The following KIAA0319L variants were observed in gnomAD, a reference collection of about 807,000 sequenced individuals.
The protein encoded by KIAA0319L is dyslexia-associated protein KIAA0319-like protein.
Under a neutral mutation model 120.1 loss-of-function variants are expected in KIAA0319L, and 55 were observed. That is an observed-to-expected ratio of 0.46 (90% CI 0.37 to 0.57). KIAA0319L has a LOEUF of 0.57. Ranked by LOEUF, KIAA0319L falls within the 20% of genes least tolerant of loss-of-function variation. The probability of loss-of-function intolerance (pLI) is 0.00; values close to 1 mark genes in which losing one functional copy is unlikely to be tolerated. For missense variants in KIAA0319L, 1,049 were observed against 1,255.3 expected (o/e 0.84, Z 2.48); for synonymous variants, 398 against 471.9 (o/e 0.84, Z 2.03).
At chr1:35,473,365 C>T (rs1369317495) in intron 5 of KIAA0319L, among the ~76,000 whole-genome samples, 1 of 151,858 alleles carries the variant, frequency 6.6e-6, no homozygotes, top group African/African-American at 2.4e-5. Flanking sequence ...CCCAAAGTAC[C>T]AGGATTACAA....
intron 2 of KIAA0319L, among the ~76,000 whole-genome samples, chr1:35,548,072 G>C (rs1647051239): frequency 6.6e-6 from 1 of 151,498 alleles, no homozygotes; most frequent in South Asian, 2.1e-4. Flanking sequence ...AGTGAGCTGA[G>C]ATCGTACCAC....
intron 2 of KIAA0319L, among the ~76,000 whole-genome samples, chr1:35,519,988 G>A (rs1635716): frequency 0.013 from 1,929 of 152,248 alleles, 47 homozygotes; most frequent in African/African-American, 0.04. Context: ...CTCACTCTAA[G>A]TAAATGGTCT....
intron 20 of KIAA0319L, chr1:35,439,426 A>C (rs1641038142): frequency 1.3e-5 from 2 of 152,182 alleles, no homozygotes; most frequent in African/African-American, 2.4e-5. Flanking sequence ...GATTCACCAC[A>C]ATATAAGCAG....
intron 2 of KIAA0319L, among the ~76,000 whole-genome samples, chr1:35,546,547 G>A (rs376082975): frequency 1.3e-4 from 20 of 152,296 alleles, no homozygotes; most frequent in African/African-American, 4.8e-4. Flanking sequence ...ATCAAGTCAG[G>A]GAACTGGACA....
At chr1:35,450,252 A>G in intron 14 of KIAA0319L, 106 bp downstream of exon 14, 1 of 1,253,530 alleles carries the variant, frequency 8.0e-7, no homozygotes, top group South Asian at 1.4e-5. Context: ...TTCAGAGAAC[A>G]ATCTGGGTTT....
At chr1:35,480,104 TA>T (rs1644102596) in intron 3 of KIAA0319L, among the ~76,000 whole-genome samples, 1 of 151,986 alleles carries the variant, frequency 6.6e-6, no homozygotes. Context: ...TTTTAGAGGA[TA>T]AACAGTTGTT....
At chr1:35,496,239 G>A (rs758742985) in intron 3 of KIAA0319L, among the ~76,000 whole-genome samples, 13 of 152,094 alleles carry the variant, frequency 8.5e-5, no homozygotes, top group Admixed American at 3.9e-4. Context: ...GGCCAACATG[G>A]TGAAACCCTG....
At chr1:35,527,998 T>C (rs919403878) in intron 2 of KIAA0319L, among the ~76,000 whole-genome samples, 1 of 152,184 alleles carries the variant, frequency 6.6e-6, no homozygotes, top group African/African-American at 2.4e-5. Context: ...TTTTTTGATG[T>C]AGGTGTTTAT....
At chr1:35,533,640 T>C (rs1034069611) in intron 2 of KIAA0319L, among the ~76,000 whole-genome samples, 1 of 152,222 alleles carries the variant, frequency 6.6e-6, no homozygotes, top group Non-Finnish European at 1.5e-5. Flanking sequence ...TAAATTTGTC[T>C]CTTTATTCAG....
chr1:35,523,053 G>A (rs2148448533), intron 2 of KIAA0319L, among the ~76,000 whole-genome samples: 1 of 150,364 alleles, frequency 6.7e-6, no homozygotes, highest in East Asian at 1.9e-4. Flanking sequence ...GTATGGTTTG[G>A]ACCCTACCTA....
At position 35,433,522 on chromosome 1, in the gene KIAA0319L, C is replaced by G. The variant is rs1640566219; in HGVS notation, c.*1372G>C. ...TTAAATACCATGTTTAATCATCCCA[C>G]AATGGACAGTAGTGCAGTAGTAGAA... On this transcript the variant is annotated 3_prime_UTR_variant, in exon 21 of 21. Transcript: ENST00000325722. The G allele has an allele frequency of 1.3e-5, 2 of 152,250 alleles. No individual in the cohort carries two copies. The highest frequency in any genetic ancestry group is 2.9e-5 in the Non-Finnish European group (2 of 68,086). 9.4% of individuals were successfully genotyped at this position (152,250 alleles called of 1,614,324 possible).
chr1:35,435,056 T>C lies in KIAA0319L; in HGVS notation c.2988A>G (p.Leu996=). Residue 996 remains leucine (L), a synonymous_variant, in exon 21 of 21, where the codon CTA becomes CTG. Coordinates refer to ENST00000325722, the MANE Select transcript of KIAA0319L (RefSeq NM_024874.5). ...ACTCGGAGTGCATCAGGCTGCTACT[T>C]AGCAAAAGGCCTTTCTGTTTGATGC... The part of the protein sequence containing the change: ...RAGIKQKGLL[L]SSSLMHSESE... 2.5e-6 allele frequency: 4 copies of C among 1,614,082 alleles called. No homozygotes were observed. Among genetic ancestry groups the C allele is most frequent in the Non-Finnish European group, 3.4e-6 (4 of 1,179,992 alleles).
At chr1:35,484,806 A>ATATTTT (rs1381080295) in intron 3 of KIAA0319L, among the ~76,000 whole-genome samples, 2 of 86,236 alleles carry the variant, frequency 2.3e-5, no homozygotes, top group African/African-American at 6.0e-5. Context: ...ATATATATAT[A>ATATTTT]TTTTTTTTTT....
intron 2 of KIAA0319L, among the ~76,000 whole-genome samples, chr1:35,535,589 G>A (rs954303053): frequency 1.9e-4 from 29 of 152,114 alleles, no homozygotes; most frequent in African/African-American, 6.5e-4. Flanking sequence ...AGTTATTAAA[G>A]ATATAAAGGA....
intron 2 of KIAA0319L, among the ~76,000 whole-genome samples, chr1:35,524,147 T>G (rs1361377750): frequency 1.3e-5 from 2 of 152,090 alleles, no homozygotes; most frequent in African/African-American, 4.8e-5. Context: ...GGAAACAGAT[T>G]TAGACTCGGG....
At chr1:35,443,705 T>TAAGC (rs572370848) in intron 17 of KIAA0319L, among the ~76,000 whole-genome samples, 2 of 151,232 alleles carry the variant, frequency 1.3e-5, no homozygotes, top group Admixed American at 6.6e-5. Context: ...AATAAATAAA[T>TAAGC]AAGCATTAAA....
chr1:35,493,269 C>A (rs1294104635), intron 3 of KIAA0319L, among the ~76,000 whole-genome samples: 1 of 152,038 alleles, frequency 6.6e-6, no homozygotes, highest in Non-Finnish European at 1.5e-5. Context: ...ACACTGGGTT[C>A]TTTAAAAACA....
chr1:35,465,252 G>C (rs1240215610), intron 7 of KIAA0319L, among the ~76,000 whole-genome samples: 1 of 152,216 alleles, frequency 6.6e-6, no homozygotes, highest in African/African-American at 2.4e-5. Flanking sequence ...TGAGAGGGAG[G>C]CTGTACCCTG....
At chr1:35,525,246 A>G (rs1646079225) in intron 2 of KIAA0319L, among the ~76,000 whole-genome samples, 1 of 152,168 alleles carries the variant, frequency 6.6e-6, no homozygotes, top group African/African-American at 2.4e-5. Context: ...TTGTCCATTC[A>G]TCTGTTGACA....
Sources: gnomAD v4.1 joint callset for allele counts (sites outside exome capture counted in the v4.1 genomes callset) on GRCh38, gnomAD v4.1.1 for gene constraint, MANE v1.5 for transcripts, NCBI Gene and HGNC (gene_info 2026-07-23, HGNC 2026-07-21) for gene names.